Variants in CPNE4 observed in about 807,000 individuals in gnomAD.
CPNE4 encodes copine 4, also known as copine-4.
CPNE4 carries 25 observed loss-of-function variants against 67.9 expected under a neutral mutation model. That is an observed-to-expected ratio of 0.37 (90% CI 0.27 to 0.51). The LOEUF (loss-of-function observed/expected upper bound fraction) is 0.51, where lower values mean the gene tolerates loss of function less well. Among genes scored for constraint, CPNE4 ranks in the 20% least tolerant of loss-of-function variants. CPNE4 has a pLI of 0.93. For synonymous variants in CPNE4, 242 were observed against 244.9 expected (o/e 0.99, Z 0.11); for missense variants, 464 against 690.8 (o/e 0.67, Z 3.68).
chr3:131,617,460 A>G (rs1414300042), intron 7 of CPNE4, among the ~76,000 whole-genome samples: 1 of 152,244 alleles, frequency 6.6e-6, no homozygotes, highest in South Asian at 2.1e-4. Flanking sequence ...CAGGTGAAGA[A>G]GCTAAAGATC....
At chr3:131,657,865 A>T (rs980072809) in intron 7 of CPNE4, among the ~76,000 whole-genome samples, 7 of 151,824 alleles carry the variant, frequency 4.6e-5, no homozygotes, top group African/African-American at 1.5e-4. Flanking sequence ...TGCCCGGCCG[A>T]ATTATCTATA....
At chr3:131,989,861 G>T (rs1314300662) in intron 1 of CPNE4, among the ~76,000 whole-genome samples, 1 of 136,082 alleles carries the variant, frequency 7.3e-6, no homozygotes, top group Non-Finnish European at 1.7e-5. Context: ...TGAGACCAGG[G>T]TGAGCAAGCT....
chr3:131,555,679 T>C, intron 11 of CPNE4, 128 bp from the exon 12 acceptor site: 1 of 730,648 alleles, frequency 1.4e-6, no homozygotes, highest in Non-Finnish European at 2.4e-6. Flanking sequence ...TGACTCATGC[T>C]TCTTGATTGT....
At position 131,704,385 on chromosome 3, in the gene CPNE4, C is replaced by T. The variant is rs183999830; in HGVS notation, c.361-4405G>A. On this transcript the variant is annotated intron_variant, in intron 3 of 15. Coordinates refer to ENST00000429747, the MANE Select transcript of CPNE4 (RefSeq NM_130808.3). ...GATGGTCTTTGGTACATAAATATCT[C>T]GGCTCTTTTGTCTCAGTAGTGAGGG... Among the ~76,000 whole-genome samples, 215 of 152,236 alleles carry T rather than the reference C, an allele frequency of 1.4e-3. 2 individuals carry two copies. Among genetic ancestry groups the T allele is most frequent in the Non-Finnish European group, 1.5e-4 (10 of 68,024 alleles).
At chr3:131,788,820 CTG>C (rs949907800) in intron 2 of CPNE4, among the ~76,000 whole-genome samples, 3 of 151,898 alleles carry the variant, frequency 2.0e-5, no homozygotes, top group African/African-American at 7.3e-5. Context: ...CAAATATAAA[CTG>C]TGAATTTAAA....
chr3:131,599,716 A>G (rs974023435), intron 7 of CPNE4, among the ~76,000 whole-genome samples: 62 of 152,234 alleles, frequency 4.1e-4, no homozygotes, highest in African/African-American at 1.4e-3. Flanking sequence ...GTATCTTCTG[A>G]TGGACTCAAC....
At chr3:131,574,706 AACTT>A (rs1436615898) in intron 10 of CPNE4, among the ~76,000 whole-genome samples, 1 of 152,112 alleles carries the variant, frequency 6.6e-6, no homozygotes, top group African/African-American at 2.4e-5. Flanking sequence ...GGCTCAGTGG[AACTT>A]ACTTGCTTGG....
chr3:131,759,972 A>G (rs934878989), intron 2 of CPNE4, among the ~76,000 whole-genome samples: 2 of 152,210 alleles, frequency 1.3e-5, no homozygotes, highest in Non-Finnish European at 2.9e-5. Flanking sequence ...GATCAGCTCC[A>G]GGTAGCTTTG....
chr3:131,973,833 C>A (rs1440350541), intron 1 of CPNE4, among the ~76,000 whole-genome samples: 1 of 152,172 alleles, frequency 6.6e-6, no homozygotes, highest in African/African-American at 2.4e-5. Context: ...ATAGGAATAA[C>A]GTCAAAAGCA....
chr3:131,608,121 GTT>G (rs542057107), intron 7 of CPNE4, among the ~76,000 whole-genome samples: 16 of 152,154 alleles, frequency 1.1e-4, no homozygotes, highest in Non-Finnish European at 2.2e-4. Flanking sequence ...TGTGAAAGAA[GTT>G]TGAGAAATAT....
At chr3:131,632,786 G>A (rs1201606106) in intron 7 of CPNE4, among the ~76,000 whole-genome samples, 1 of 152,092 alleles carries the variant, frequency 6.6e-6, no homozygotes, top group East Asian at 1.9e-4. Flanking sequence ...GGTTTTCTCA[G>A]TCTTGGTACT....
At chr3:132,016,225 C>T (rs577083299) in intron 1 of CPNE4, among the ~76,000 whole-genome samples, 3 of 152,298 alleles carry the variant, frequency 2.0e-5, no homozygotes, top group East Asian at 1.9e-4. Flanking sequence ...GAATTCCAAA[C>T]GAAATTCTTG....
At chr3:131,877,941 A>T (rs537642616) in intron 2 of CPNE4, among the ~76,000 whole-genome samples, 2 of 152,354 alleles carry the variant, frequency 1.3e-5, no homozygotes, top group Admixed American at 6.5e-5. Context: ...ACACTACTAC[A>T]TATTCACCAG....
At chr3:131,938,859 T>A (rs183929238) in intron 1 of CPNE4, among the ~76,000 whole-genome samples, 1 of 152,226 alleles carries the variant, frequency 6.6e-6, no homozygotes, top group East Asian at 1.9e-4. Flanking sequence ...AAAGGGCATA[T>A]CACTCAAGTC....
At position 131,533,884 on chromosome 3, in the gene CPNE4, C is replaced by G. The variant is rs1282898147; in HGVS notation, c.*1311G>C. The G allele has an allele frequency of 6.6e-6, 1 of 152,180 alleles. No homozygotes were observed. The allele number at this position is 152,180 out of a possible 1,614,324, so 9.4% of individuals were successfully genotyped here. ...CCTGTTTCCCTGCAAGAAGATTATA[C>G]AAGTTAAACATTCGTCCTTTTGGTT... On this transcript the variant is annotated 3_prime_UTR_variant, in exon 16 of 16. Transcript: ENST00000429747.
chr3:131,955,557 T>C (rs765738820), intron 1 of CPNE4, among the ~76,000 whole-genome samples: 1 of 151,864 alleles, frequency 6.6e-6, no homozygotes, highest in Non-Finnish European at 1.5e-5. Flanking sequence ...GGAAATGGCT[T>C]CTTGAGTAGC....
At chr3:131,944,552 T>A (rs1013165024) in intron 1 of CPNE4, among the ~76,000 whole-genome samples, 1 of 152,036 alleles carries the variant, frequency 6.6e-6, no homozygotes, top group African/African-American at 2.4e-5. Context: ...CAGCTGGTTA[T>A]CTGCCATGAC....
chr3:131,557,254 T>C (rs1208228672), intron 11 of CPNE4, among the ~76,000 whole-genome samples: 2 of 152,082 alleles, frequency 1.3e-5, no homozygotes, highest in African/African-American at 4.8e-5. Context: ...ATTAAGAAAT[T>C]AACTGAGATT....
chr3:131,792,717 A>ATT (rs1553772302), intron 2 of CPNE4, among the ~76,000 whole-genome samples: 1 of 107,890 alleles, frequency 9.3e-6, no homozygotes. Flanking sequence ...ACGTGTATAT[A>ATT]TGTATATATA....
Sources: allele counts gnomAD v4.1 joint callset (sites outside exome capture counted in the v4.1 genomes callset), GRCh38; gene constraint gnomAD v4.1.1; transcripts MANE v1.5; gene names NCBI Gene and HGNC (gene_info 2026-07-23, HGNC 2026-07-21).